Variants in GALNTL6 observed in about 807,000 individuals in gnomAD.
The protein encoded by GALNTL6 is polypeptide N-acetylgalactosaminyltransferase like 6, also known as polypeptide N-acetylgalactosaminyltransferase-like 6.
GALNTL6 carries 46 observed loss-of-function variants against 73.7 expected under a neutral mutation model. The ratio of observed to expected loss-of-function variants is 0.62; its 90% confidence interval spans 0.49 to 0.80. The LOEUF (loss-of-function observed/expected upper bound fraction) is 0.80, where lower values mean the gene tolerates loss of function less well. Among genes scored for constraint, GALNTL6 ranks in the 30% least tolerant of loss-of-function variants. The probability of loss-of-function intolerance (pLI) is 0.00; values close to 1 mark genes in which losing one functional copy is unlikely to be tolerated. For missense variants in GALNTL6, 604 were observed against 755.0 expected (o/e 0.80, Z 2.34); for synonymous variants, 259 against 263.7 (o/e 0.98, Z 0.17).
At chr4:172,789,694 T>C (rs1181345957) in intron 5 of GALNTL6, among the ~76,000 whole-genome samples, 3 of 152,222 alleles carry the variant, frequency 2.0e-5, no homozygotes, top group Non-Finnish European at 1.5e-5. Flanking sequence ...TGGGTTTTTA[T>C]GGAAGCTTCA....
At chr4:172,103,431 T>C (rs558113888) in intron 2 of GALNTL6, among the ~76,000 whole-genome samples, 8 of 152,312 alleles carry the variant, frequency 5.3e-5, no homozygotes, top group African/African-American at 1.9e-4. Flanking sequence ...AATGTTATCT[T>C]AATGGAACTA....
chr4:172,150,418 A>G (rs1434451665), intron 2 of GALNTL6, among the ~76,000 whole-genome samples: 2 of 152,240 alleles, frequency 1.3e-5, no homozygotes, highest in Non-Finnish European at 2.9e-5. Context: ...ACAAATTCTA[A>G]TAAATGCTAA....
At chr4:172,625,954 C>G (rs1739152059) in intron 5 of GALNTL6, among the ~76,000 whole-genome samples, 1 of 152,038 alleles carries the variant, frequency 6.6e-6, no homozygotes, top group African/African-American at 2.4e-5. Flanking sequence ...AATATTTTCT[C>G]CCACTCTGTA....
intron 5 of GALNTL6, among the ~76,000 whole-genome samples, chr4:172,730,508 G>T (rs1352456740): frequency 6.6e-6 from 1 of 152,162 alleles, no homozygotes; most frequent in Non-Finnish European, 1.5e-5. Flanking sequence ...TGTTCATTCT[G>T]TTGATGTGAT....
chr4:172,813,616 G>A lies in GALNTL6; in HGVS notation c.816G>A (p.Glu272=), dbSNP rs762366608. ...DVIDHNHFGY[E]AQAGDAMRGA... ...TTGACCACAATCACTTCGGGTATGA[G>A]GCACAAGCTGGGGATGCCATGCGAG... is the stretch of plus-strand genomic sequence containing the variant. Residue 272 remains glutamate (E), a synonymous_variant, in exon 7 of 13, where the codon GAG becomes GAA. Coordinates refer to ENST00000506823, the MANE Select transcript of GALNTL6 (RefSeq NM_001034845.3). 1 of 1,613,370 alleles carries A rather than the reference G, an allele frequency of 6.2e-7. No homozygotes were observed. The highest frequency in any genetic ancestry group is 8.5e-7 in the Non-Finnish European group (1 of 1,179,514).
At chr4:172,490,061 C>T (rs1733841654) in intron 5 of GALNTL6, among the ~76,000 whole-genome samples, 1 of 152,138 alleles carries the variant, frequency 6.6e-6, no homozygotes, top group Non-Finnish European at 1.5e-5. Context: ...GCATCAGCAG[C>T]ATCTAGAGAC....
chr4:172,962,061 A>G (rs1163817026), intron 10 of GALNTL6, among the ~76,000 whole-genome samples: 2 of 152,174 alleles, frequency 1.3e-5, no homozygotes, highest in South Asian at 2.1e-4. Flanking sequence ...GGAAAATTAC[A>G]GTCAAAGGGG....
chr4:172,227,715 G>A (rs983329044), intron 2 of GALNTL6, among the ~76,000 whole-genome samples: 1 of 152,012 alleles, frequency 6.6e-6, no homozygotes, highest in African/African-American at 2.4e-5. Context: ...ATGCTTTATT[G>A]TCATTTTCAT....
intron 6 of GALNTL6, among the ~76,000 whole-genome samples, chr4:172,810,865 G>C (rs1741257204): frequency 6.6e-6 from 1 of 152,100 alleles, no homozygotes; most frequent in African/African-American, 2.4e-5. Flanking sequence ...ATATGGTGTT[G>C]AATACTCAAG....
chr4:172,765,966 A>G (rs188783521), intron 5 of GALNTL6, among the ~76,000 whole-genome samples: 20 of 152,336 alleles, frequency 1.3e-4, no homozygotes, highest in Admixed American at 3.3e-4. Flanking sequence ...CAATAATGAT[A>G]TTAGAGAAAG....
chr4:172,596,047 G>T (rs1279570576), intron 5 of GALNTL6, among the ~76,000 whole-genome samples: 1 of 152,056 alleles, frequency 6.6e-6, no homozygotes, highest in Non-Finnish European at 1.5e-5. Context: ...GTTTTTGAAA[G>T]AATTACTATT....
intron 12 of GALNTL6, among the ~76,000 whole-genome samples, chr4:173,029,601 T>A (rs890623847): frequency 6.6e-6 from 1 of 152,234 alleles, no homozygotes; most frequent in Admixed American, 6.5e-5. Flanking sequence ...TCTGTTAATT[T>A]AGCCTGAGTT....
chr4:171,928,256 A>G (rs2110991688), intron 2 of GALNTL6, among the ~76,000 whole-genome samples: 1 of 152,322 alleles, frequency 6.6e-6, no homozygotes, highest in South Asian at 2.1e-4. Context: ...AATCCTCATG[A>G]CAACAATATA....
intron 10 of GALNTL6, among the ~76,000 whole-genome samples, chr4:172,969,469 G>A (rs1205208923): frequency 6.6e-6 from 1 of 152,160 alleles, no homozygotes; most frequent in Non-Finnish European, 1.5e-5. Context: ...TTGAATCTAT[G>A]TATTAAAAGG....
intron 2 of GALNTL6, among the ~76,000 whole-genome samples, chr4:171,988,389 G>A (rs1740185591): frequency 6.6e-6 from 1 of 152,318 alleles, no homozygotes; most frequent in South Asian, 2.1e-4. Context: ...GGGGCTGTCT[G>A]TGAAGCCTTG....
chr4:172,181,361 A>G (rs1380955422), intron 2 of GALNTL6, among the ~76,000 whole-genome samples: 1 of 152,208 alleles, frequency 6.6e-6, no homozygotes, highest in Non-Finnish European at 1.5e-5. Context: ...GAACCAATGA[A>G]AAAGTCACAT....
chr4:172,373,098 C>T (rs148884955), intron 5 of GALNTL6, among the ~76,000 whole-genome samples: 41 of 152,292 alleles, frequency 2.7e-4, no homozygotes, highest in African/African-American at 9.6e-4. Context: ...ACTGAAGGAC[C>T]AGAGTGCCTG....
chr4:172,640,727 T>C (rs1368836342), intron 5 of GALNTL6, among the ~76,000 whole-genome samples: 1 of 152,116 alleles, frequency 6.6e-6, no homozygotes, highest in Non-Finnish European at 1.5e-5. Flanking sequence ...CATTTTAAGC[T>C]AAACACCTTT....
chr4:171,999,593 A>T (rs1740607872), intron 2 of GALNTL6, among the ~76,000 whole-genome samples: 1 of 152,080 alleles, frequency 6.6e-6, no homozygotes, highest in Non-Finnish European at 1.5e-5. Context: ...GTTTGATTTC[A>T]TTTCCAGTGC....
Sources: gnomAD v4.1 joint callset for allele counts (sites outside exome capture counted in the v4.1 genomes callset) on GRCh38, gnomAD v4.1.1 for gene constraint, MANE v1.5 for transcripts, NCBI Gene and HGNC (gene_info 2026-07-23, HGNC 2026-07-21) for gene names.